TSTD2: variants seen among roughly 807,000 people sequenced by gnomAD.
TSTD2 encodes thiosulfate sulfurtransferase/rhodanese-like domain-containing protein 2.
In TSTD2, 37 loss-of-function variants were observed where a neutral mutation model predicts 47.9. The observed-to-expected ratio is 0.77, with a 90% CI of 0.59 to 1.02. The LOEUF (loss-of-function observed/expected upper bound fraction) is 1.02. Among genes scored for constraint, TSTD2 ranks in the 50% least tolerant of loss-of-function variants. The pLI is 0.00. For synonymous variants in TSTD2, 201 were observed against 215.9 expected (o/e 0.93, Z 0.61); for missense variants, 586 against 616.0 (o/e 0.95, Z 0.52).
chr9:97,604,599 C>T (rs1265457291), intron 9 of TSTD2, 128 bp downstream of exon 9: 2 of 1,363,232 alleles, frequency 1.5e-6, no homozygotes, highest in African/African-American at 2.9e-5. Flanking sequence ...GCACAATGTA[C>T]TTATTTTCCC....
chr9:97,617,446 C>A (rs900840119), intron 4 of TSTD2, among the ~76,000 whole-genome samples: 2 of 152,326 alleles, frequency 1.3e-5, no homozygotes, highest in Middle Eastern at 3.4e-3. Flanking sequence ...CCATCCAATT[C>A]TTTTACATTA....
At chr9:97,613,098 T>A (rs530483135) in intron 4 of TSTD2, among the ~76,000 whole-genome samples, 1 of 152,236 alleles carries the variant, frequency 6.6e-6, no homozygotes, top group Non-Finnish European at 1.5e-5. Context: ...CTCACTTGCA[T>A]GTAGCTGTGA....
intron 1 of TSTD2, among the ~76,000 whole-genome samples, chr9:97,629,468 A>C (rs1004058964): frequency 2.6e-5 from 4 of 152,222 alleles, no homozygotes; most frequent in African/African-American, 9.6e-5. Flanking sequence ...CTTTGTTATA[A>C]GGGTAAGGCA....
intron 3 of TSTD2, 72 bp downstream of exon 3, chr9:97,625,609 G>C: frequency 7.0e-7 from 1 of 1,422,624 alleles, no homozygotes; most frequent in Non-Finnish European, 9.5e-7. Context: ...ATTTTAATGG[G>C]TGAATTGTAG....
At chr9:97,630,637 A>T (rs528432677) in intron 1 of TSTD2, among the ~76,000 whole-genome samples, 4 of 152,314 alleles carry the variant, frequency 2.6e-5, no homozygotes, top group African/African-American at 9.6e-5. Flanking sequence ...GATCTCATCT[A>T]CTTCCAAGGA....
chr9:97,622,134 G>T (rs1162942480), intron 3 of TSTD2, among the ~76,000 whole-genome samples: 1 of 152,184 alleles, frequency 6.6e-6, no homozygotes, highest in Non-Finnish European at 1.5e-5. Context: ...AATGCCTGAG[G>T]GTCTAGGAGG....
intron 3 of TSTD2, 54 bp from the exon 4 acceptor site, chr9:97,617,931 T>C: frequency 1.3e-6 from 2 of 1,580,458 alleles, no homozygotes; most frequent in South Asian, 1.2e-5. Flanking sequence ...CATAAAGAAG[T>C]CACAATTCAT....
At chr9:97,608,444 T>G (rs777357650) in intron 6 of TSTD2, among the ~76,000 whole-genome samples, 1 of 152,014 alleles carries the variant, frequency 6.6e-6, no homozygotes, top group Non-Finnish European at 1.5e-5. Context: ...GAGACCAGCC[T>G]GGCCAGTGTG....
chr9:97,627,384 C>A lies in TSTD2; in HGVS notation c.165+14G>T, dbSNP rs767308968. 1 of 1,582,972 alleles carries A rather than the reference C, an allele frequency of 6.3e-7. No individual in the cohort carries two copies. The highest frequency in any genetic ancestry group is 2.3e-5 in the East Asian group (1 of 44,376). On this transcript the variant is annotated intron_variant, in intron 2 of 9. Transcript: ENST00000341170. ...CACACATACATGATCATGAAACATT[C>A]ATAAGAATTCTACCTTTTTCTTTGC...
chr9:97,616,794 T>C (rs73554644), intron 4 of TSTD2, among the ~76,000 whole-genome samples: 6,256 of 152,264 alleles, frequency 0.041, 454 homozygotes, highest in African/African-American at 0.14. Context: ...ATAAAATACA[T>C]AGACATATGC....
At position 97,633,240 on chromosome 9, in the gene TSTD2, T is replaced by C. The variant is rs1251557768; in HGVS notation, c.-51+3A>G. ...CGGAAAGTGGGAGTAGATGAGCACA[T>C]ACCCGCCAGTCCTGATCCTTTCTAA... is the stretch of plus-strand genomic sequence containing the variant. On this transcript the variant is annotated splice_donor_region_variant and intron_variant, in intron 1 of 9. Transcript: ENST00000341170. 1.2e-5 allele frequency: 2 copies of C among 171,900 alleles called. No individual in the cohort carries two copies. Among genetic ancestry groups the C allele is most frequent in the South Asian group, 2.0e-4 (1 of 5,030 alleles). The allele number at this position is 171,900 out of a possible 1,614,324, so 10.6% of individuals were successfully genotyped here. A position where few individuals can be genotyped will look rare whatever the true frequency, so the allele number is the denominator to read the frequency against.
In TSTD2 at chr9:97,621,440, G is replaced by GT. The variant is rs1358198281; in HGVS notation, c.483-3564dup. 6.6e-5 allele frequency among the ~76,000 whole-genome samples: 10 copies of GT among 152,206 alleles called. No individual in the cohort carries two copies. The South Asian group carries it at 1.0e-3, about 16-fold the overall frequency. ...CAGCCATGTTCAGGGCACAAGGGAGGTAACTATAAGGTCTGACTGCCTGCG... is the reference window on the plus strand; with the variant it reads ...CAGCCATGTTCAGGGCACAAGGGAGGTTAACTATAAGGTCTGACTGCCTGCG... On this transcript the variant is annotated intron_variant, in intron 3 of 9. Transcript: ENST00000341170.
intron 3 of TSTD2, among the ~76,000 whole-genome samples, chr9:97,623,663 A>C (rs572503178): frequency 6.6e-6 from 1 of 152,176 alleles, no homozygotes; most frequent in Non-Finnish European, 1.5e-5. Flanking sequence ...GCTCAAGACT[A>C]GTCTGGCCAA....
chr9:97,628,671 T>C (rs1826760225), intron 1 of TSTD2, among the ~76,000 whole-genome samples: 1 of 152,224 alleles, frequency 6.6e-6, no homozygotes, highest in African/African-American at 2.4e-5. Context: ...TCCCTAAGCC[T>C]AGGCAGGCTT....
chr9:97,614,011 G>A lies in TSTD2; in HGVS notation c.604-2312C>T, dbSNP rs187231250. ...GCCCGGCTAATTTTTCATATTTTTA[G>A]TAGAGACGGGGTTTCACCGTGTTAG... On this transcript the variant is annotated intron_variant, in intron 4 of 9. Transcript: ENST00000341170. 4.9e-4 allele frequency among the ~76,000 whole-genome samples: 75 copies of A among 152,024 alleles called. 2 individuals carry two copies. Among genetic ancestry groups the A allele is most frequent in the African/African-American group, 1.7e-3 (69 of 41,474 alleles).
intron 1 of TSTD2, among the ~76,000 whole-genome samples, chr9:97,630,156 T>C (rs117393657): frequency 1.3e-5 from 2 of 152,218 alleles, no homozygotes; most frequent in Non-Finnish European, 2.9e-5. Flanking sequence ...ATGCTCCCCA[T>C]TCCCCATCAG....
intron 9 of TSTD2, 189 bp downstream of exon 9, chr9:97,604,538 T>G (rs1826331475): frequency 2.5e-6 from 2 of 814,600 alleles, no homozygotes; most frequent in Non-Finnish European, 1.8e-6. Flanking sequence ...AACCCAGGCC[T>G]CCTGACTCCT....
chr9:97,621,514 G>A (rs1214960049), intron 3 of TSTD2, among the ~76,000 whole-genome samples: 3 of 152,168 alleles, frequency 2.0e-5, no homozygotes, highest in Non-Finnish European at 4.4e-5. Flanking sequence ...AAAATGAGTA[G>A]AAGAAATATC....
chr9:97,620,457 C>A (rs536542917), intron 3 of TSTD2, among the ~76,000 whole-genome samples: 1 of 152,248 alleles, frequency 6.6e-6, no homozygotes, highest in African/African-American at 2.4e-5. Context: ...GAGTGGGGTG[C>A]TGCTGAAAAG....
Sources: allele counts gnomAD v4.1 joint callset (sites outside exome capture counted in the v4.1 genomes callset), GRCh38; gene constraint gnomAD v4.1.1; transcripts MANE v1.5; gene names NCBI Gene and HGNC (gene_info 2026-07-23, HGNC 2026-07-21).